Variants in EXOC6B observed in about 807,000 individuals in gnomAD.
EXOC6B encodes the protein SEC15 homolog B.
Under a neutral mutation model 113.5 loss-of-function variants are expected in EXOC6B, and 54 were observed. The ratio of observed to expected loss-of-function variants is 0.48; its 90% confidence interval spans 0.38 to 0.60. The LOEUF is 0.60. Among genes scored for constraint, EXOC6B ranks in the 20% least tolerant of loss-of-function variants. EXOC6B has a pLI of 0.00. For synonymous variants in EXOC6B, 357 were observed against 339.0 expected, an observed-to-expected ratio of 1.05 and a Z score of -0.58; for missense variants, 797 against 977.5, an observed-to-expected ratio of 0.82 and a Z score of 2.46.
At chr2:72,394,459 C>T (rs1042131903) in intron 18 of EXOC6B, among the ~76,000 whole-genome samples, 2 of 151,946 alleles carry the variant, frequency 1.3e-5, no homozygotes, top group African/African-American at 2.4e-5. Context: ...ATCCCAACAA[C>T]AATGACATGG....
chr2:72,514,106 T>C (rs79187382), intron 10 of EXOC6B, among the ~76,000 whole-genome samples: 69 of 152,224 alleles, frequency 4.5e-4, no homozygotes, highest in Non-Finnish European at 7.9e-4. Flanking sequence ...ATATAGCCTA[T>C]GGGATAAACC....
chr2:72,460,047 C>T (rs1182110896), intron 18 of EXOC6B, among the ~76,000 whole-genome samples: 38 of 151,426 alleles, frequency 2.5e-4, no homozygotes, highest in African/African-American at 5.8e-4. Flanking sequence ...TCAGAAATAA[C>T]GCTGCATATC....
chr2:72,641,068 C>G (rs1274839468), intron 6 of EXOC6B, among the ~76,000 whole-genome samples: 1 of 152,200 alleles, frequency 6.6e-6, no homozygotes, highest in Non-Finnish European at 1.5e-5. Context: ...ATTATCAAGA[C>G]AGAAAATTAG....
chr2:72,299,860 C>G (rs6546758), intron 20 of EXOC6B, among the ~76,000 whole-genome samples: 22,715 of 152,126 alleles, frequency 0.15, 2,244 homozygotes, highest in African/African-American at 0.28. Flanking sequence ...CTGGGTATCA[C>G]CAGTGGAGGC....
At position 72,342,738 on chromosome 2, in the gene EXOC6B, C is replaced by A. The variant is rs1307235151; in HGVS notation, c.2123-7718G>T. 7.9e-5 allele frequency among the ~76,000 whole-genome samples: 12 copies of A among 151,946 alleles called. No homozygotes were observed. The South Asian group carries it at 2.3e-3, about 29-fold the overall frequency. On this transcript the variant is annotated intron_variant, in intron 19 of 21. Transcript: ENST00000272427. ...TGCTTGAGGCCAAGACCAGCCTGGG[C>A]AATATAGAGAGATACTGTGTCTCTG... is the stretch of plus-strand genomic sequence containing the variant.
At chr2:72,582,330 G>A (rs1705275785) in intron 6 of EXOC6B, among the ~76,000 whole-genome samples, 2 of 151,854 alleles carry the variant, frequency 1.3e-5, no homozygotes, top group South Asian at 4.2e-4. Flanking sequence ...TGGGCAACAT[G>A]GAGAAACTCC....
chr2:72,431,082 T>G (rs546392886), intron 18 of EXOC6B, among the ~76,000 whole-genome samples: 1 of 152,332 alleles, frequency 6.6e-6, no homozygotes, highest in South Asian at 2.1e-4. Flanking sequence ...ATAATGGAAC[T>G]AAAAGATCAG....
At chr2:72,747,434 GA>G (rs1185988609) in intron 1 of EXOC6B, among the ~76,000 whole-genome samples, 1 of 151,990 alleles carries the variant, frequency 6.6e-6, no homozygotes, top group Non-Finnish European at 1.5e-5. Context: ...TTCTGAAAAG[GA>G]AGAAGATATT....
chr2:72,408,318 C>A (rs1693925885), intron 18 of EXOC6B, among the ~76,000 whole-genome samples: 1 of 152,104 alleles, frequency 6.6e-6, no homozygotes, highest in African/African-American at 2.4e-5. Context: ...TCAGTGCCAT[C>A]CTCATCAAGC....
rs142412298 is a variant in EXOC6B at position 72,419,456 on chromosome 2, G to A, written c.1981-39586C>T. On this transcript the variant is annotated intron_variant, in intron 18 of 21. Transcript: ENST00000272427. Reference sequence around the variant, plus strand: ...AGTGTCCTTTCATTTCACTCTGCATGACATTCATTAAGATTTCTTGCAGGA... The same window carrying A: ...AGTGTCCTTTCATTTCACTCTGCATAACATTCATTAAGATTTCTTGCAGGA... 9.3e-4 allele frequency among the ~76,000 whole-genome samples: 141 copies of A among 152,264 alleles called. No individual in the cohort carries two copies. The Middle Eastern group carries it at 0.01, about 11-fold the overall frequency.
intron 20 of EXOC6B, among the ~76,000 whole-genome samples, chr2:72,253,931 C>T (rs189630267): frequency 9.0e-4 from 137 of 152,178 alleles, no homozygotes; most frequent in African/African-American, 3.0e-3. Context: ...GAGGCTGAGG[C>T]GGGTGGATCA....
intron 19 of EXOC6B, among the ~76,000 whole-genome samples, chr2:72,375,035 A>C (rs1039963215): frequency 1.3e-4 from 19 of 148,008 alleles, no homozygotes; most frequent in Admixed American, 7.3e-4. Context: ...CAGTATCACA[A>C]AAAGTAGATT....
chr2:72,616,018 AG>A (rs1671367830), intron 6 of EXOC6B, among the ~76,000 whole-genome samples: 1 of 152,150 alleles, frequency 6.6e-6, no homozygotes, highest in Non-Finnish European at 1.5e-5. Context: ...AATAGAAAAA[AG>A]CTTATAAAAT....
chr2:72,187,148 C>A (rs1259464317), intron 20 of EXOC6B, among the ~76,000 whole-genome samples: 1 of 152,132 alleles, frequency 6.6e-6, no homozygotes, highest in South Asian at 2.1e-4. Flanking sequence ...AGGTGCACTG[C>A]ATGCAGCTTT....
intron 19 of EXOC6B, among the ~76,000 whole-genome samples, chr2:72,347,010 TATTTCA>T (rs1432433901): frequency 6.6e-6 from 1 of 152,196 alleles, no homozygotes; most frequent in Non-Finnish European, 1.5e-5. Flanking sequence ...TTAAATCTAT[TATTTCA>T]ATATGCAACT....
chr2:72,408,505 T>C (rs2105208885), intron 18 of EXOC6B, among the ~76,000 whole-genome samples: 1 of 152,262 alleles, frequency 6.6e-6, no homozygotes, highest in Non-Finnish European at 1.5e-5. Context: ...ATGGTACTGG[T>C]ACCAAAACAG....
intron 1 of EXOC6B, among the ~76,000 whole-genome samples, chr2:72,762,832 T>C (rs1396500330): frequency 6.6e-6 from 1 of 151,950 alleles, no homozygotes; most frequent in Non-Finnish European, 1.5e-5. Flanking sequence ...GCAAAAATAA[T>C]GATAATGAAC....
chr2:72,427,418 G>A (rs1044955895), intron 18 of EXOC6B, among the ~76,000 whole-genome samples: 1 of 152,202 alleles, frequency 6.6e-6, no homozygotes, highest in Non-Finnish European at 1.5e-5. Context: ...CCTCAGGGGT[G>A]TCTGCTCCCA....
intron 11 of EXOC6B, among the ~76,000 whole-genome samples, chr2:72,508,298 T>C (rs1368388926): frequency 1.3e-5 from 2 of 152,010 alleles, no homozygotes; most frequent in Admixed American, 1.3e-4. Flanking sequence ...TACCAGAGCC[T>C]GAAATGTGTC....
Sources: allele counts gnomAD v4.1 joint callset (sites outside exome capture counted in the v4.1 genomes callset), GRCh38; gene constraint gnomAD v4.1.1; transcripts MANE v1.5; gene names NCBI Gene and HGNC (gene_info 2026-07-23, HGNC 2026-07-21).